The following PCDHGB4 variants were observed in gnomAD, a reference collection of about 807,000 sequenced individuals.
The protein encoded by PCDHGB4 is protocadherin gamma subfamily B, 4, also known as protocadherin gamma-B4.
In PCDHGB4, 38 loss-of-function variants were observed where a neutral mutation model predicts 60.5. The observed-to-expected ratio is 0.63, with a 90% CI of 0.48 to 0.82. The LOEUF is 0.82. Among genes scored for constraint, PCDHGB4 ranks in the 40% least tolerant of loss-of-function variants. The probability of loss-of-function intolerance (pLI) is 0.00; values close to 1 mark genes in which losing one functional copy is unlikely to be tolerated. For synonymous variants in PCDHGB4, 456 were observed against 509.7 expected (o/e 0.89, Z 1.42); for missense variants, 1,109 against 1,209.6 (o/e 0.92, Z 1.23).
chr5:141,494,586 G>A (rs770159202), intron 1 of PCDHGB4, among the ~76,000 whole-genome samples: 1 of 152,112 alleles, frequency 6.6e-6, no homozygotes, highest in Non-Finnish European at 1.5e-5. Context: ...GCTCACTGTG[G>A]TCAGATGAAA....
intron 1 of PCDHGB4, chr5:141,405,323 T>C (rs1420760439): frequency 6.2e-7 from 1 of 1,614,220 alleles, no homozygotes; most frequent in Non-Finnish European, 8.5e-7. Context: ...AAATGAGCCT[T>C]TGTGCGTCTC....
At chr5:141,400,189 C>G (rs376855933) in intron 1 of PCDHGB4, 2 of 1,614,056 alleles carry the variant, frequency 1.2e-6, no homozygotes, top group Non-Finnish European at 1.7e-6. Flanking sequence ...GCAGTTTTAC[C>G]TAGTGGTGGC....
In PCDHGB4 at chr5:141,489,734, A is replaced by G; in HGVS notation, c.2398-5073A>G. The G allele has an allele frequency of 6.2e-7, 1 of 1,614,164 alleles. No individual in the cohort carries two copies. Among genetic ancestry groups the G allele is most frequent in the Non-Finnish European group, 8.5e-7 (1 of 1,180,028 alleles). On this transcript the variant is annotated intron_variant, in intron 1 of 3. Transcript: ENST00000519479. This position sits in a 1 kb window ranked among gnomAD's most constrained non-coding sequence, Gnocchi z 4.5. ...GCCCAGGATCCGGATGTGGGCACCAATACTGTGAGCTTTTACACTCTAAGC... is the reference window on the plus strand; with the variant it reads ...GCCCAGGATCCGGATGTGGGCACCAGTACTGTGAGCTTTTACACTCTAAGC...
rs1236813956 is a variant in PCDHGB4, at chr5:141,480,634, TTTCAAAC to T, written c.2398-14170_2398-14164del. On this transcript the variant is annotated intron_variant, in intron 1 of 3. Transcript: ENST00000519479. The stretch of plus-strand genomic sequence containing the variant: ...ACTGGCATTTTCCCTAGAACAATGT[TTTCAAAC>T]TTGGTTGCACATTAAAATCACCTAG... Among the ~76,000 whole-genome samples the T allele has an allele frequency of 3.9e-5, 6 of 152,332 alleles. No individual in the cohort carries two copies. In the East Asian group the frequency reaches 1.2e-3, roughly 29 times the overall value.
rs143509166 is a variant in PCDHGB4 at position 141,395,182 on chromosome 5, C to T, written c.2397+4901C>T. On this transcript the variant is annotated intron_variant, in intron 1 of 3. Transcript: ENST00000519479. ...CAGGAGGGCTGTGAGAAAAATGATT[C>T]TTTGTTAACATCCGTAGATTTTCAT... 141 of 1,614,114 alleles carry T rather than the reference C, an allele frequency of 8.7e-5. 2 individuals are homozygous for T. The Middle Eastern group carries it at 1.8e-3, about 21-fold the overall frequency.
Position 141,487,858 on chromosome 5 carries a change from G to C in PCDHGB4, c.2398-6949G>C, listed in dbSNP as rs575288726. Reference sequence around the variant, plus strand: ...ATCTGAGTAAGAAATGAAAGTAATTGGTGATCAAGAGCCAGGCTGTTGTGG... The same window carrying C: ...ATCTGAGTAAGAAATGAAAGTAATTCGTGATCAAGAGCCAGGCTGTTGTGG... On this transcript the variant is annotated intron_variant, in intron 1 of 3. Transcript: ENST00000519479. The surrounding 1 kb of genome is among the most constrained non-coding windows in gnomAD (Gnocchi z 5.0). The C allele has an allele frequency of 3.8e-5, 36 of 953,250 alleles. No individual in the cohort carries two copies. The Middle Eastern group carries it at 1.3e-3, about 35-fold the overall frequency. 59.0% of individuals were successfully genotyped at this position (953,250 alleles called of 1,614,324 possible). A position where few individuals can be genotyped will look rare whatever the true frequency, so the allele number is the denominator to read the frequency against.
intron 1 of PCDHGB4, chr5:141,403,028 G>A (rs1396801327): frequency 6.2e-7 from 1 of 1,614,074 alleles, no homozygotes; most frequent in Admixed American, 1.7e-5. Context: ...GCTATGGGAG[G>A]CCAGGGCCAG....
At chr5:141,400,943 T>G (rs1253479872) in intron 1 of PCDHGB4, among the ~76,000 whole-genome samples, 1 of 152,260 alleles carries the variant, frequency 6.6e-6, no homozygotes, top group East Asian at 1.9e-4. Flanking sequence ...CTTTCTTCAC[T>G]GATTTCACTG....
intron 2 of PCDHGB4, among the ~76,000 whole-genome samples, chr5:141,495,430 C>A (rs1189953474): frequency 6.6e-6 from 1 of 152,220 alleles, no homozygotes; most frequent in Non-Finnish European, 1.5e-5. Context: ...TCCCACTGTC[C>A]TCTGCCCCTA....
intron 1 of PCDHGB4, among the ~76,000 whole-genome samples, chr5:141,405,668 G>A (rs1468042334): frequency 6.6e-6 from 1 of 152,100 alleles, no homozygotes; most frequent in Non-Finnish European, 1.5e-5. Context: ...AGTAGAGACG[G>A]GGTGTCACCA....
Position 141,491,543 on chromosome 5 carries a change from A to G in PCDHGB4, c.2398-3264A>G. 6.2e-7 allele frequency: 1 copy of G among 1,613,842 alleles called. No individual in the cohort carries two copies. The highest frequency in any genetic ancestry group is 8.5e-7 in the Non-Finnish European group (1 of 1,179,982). ...ATGGAGGTGACGCTGCGGCCCACAG[A>G]CTCGCAGAGCCACTGCTACAGGACG... On this transcript the variant is annotated intron_variant, in intron 1 of 3. Coordinates refer to ENST00000519479, the MANE Select transcript of PCDHGB4 (RefSeq NM_003736.4). The surrounding 1 kb of genome is among the most constrained non-coding windows in gnomAD (Gnocchi z 6.9).
At chr5:141,474,920 C>A (rs1363277892) in intron 1 of PCDHGB4, among the ~76,000 whole-genome samples, 2 of 152,232 alleles carry the variant, frequency 1.3e-5, no homozygotes, top group Admixed American at 6.5e-5. Context: ...TACATCTCAT[C>A]TCTGGCTTAT....
rs932721053 is a variant in PCDHGB4 at position 141,398,645 on chromosome 5, C to G, written c.2397+8364C>G. 1.3e-5 allele frequency: 21 copies of G among 1,613,938 alleles called. No homozygotes were observed. In the Admixed American group the frequency reaches 3.3e-4, roughly 26 times the overall value. The stretch of plus-strand genomic sequence containing the variant: ...AACTCTCTGCAGAAGTATAAACTCT[C>G]TCTTAACCCAAGTTTCTCATTAATA... On this transcript the variant is annotated intron_variant, in intron 1 of 3. Coordinates refer to ENST00000519479, the MANE Select transcript of PCDHGB4 (RefSeq NM_003736.4).
rs1453835891 is a variant in PCDHGB4 at position 141,477,494 on chromosome 5, T to G, written c.2398-17313T>G. On this transcript the variant is annotated intron_variant, in intron 1 of 3. Coordinates refer to ENST00000519479, the MANE Select transcript of PCDHGB4 (RefSeq NM_003736.4). The surrounding 1 kb of genome is among the most constrained non-coding windows in gnomAD (Gnocchi z 4.9). ...TGACAACCCTCCACAATCTTCTCAA[T>G]CTTCCTACGACGTTTACATTGAAGA... 1 of 1,614,088 alleles carries G rather than the reference T, an allele frequency of 6.2e-7. No individual in the cohort carries two copies.
At chr5:141,443,844 G>T (rs976057583) in intron 1 of PCDHGB4, among the ~76,000 whole-genome samples, 1 of 152,130 alleles carries the variant, frequency 6.6e-6, no homozygotes, top group African/African-American at 2.4e-5. Flanking sequence ...GGGTAATATG[G>T]AAAGTCTGAA....
chr5:141,390,105 T>C lies in PCDHGB4; in HGVS notation c.2221T>C (p.Tyr741His), dbSNP rs2092048923. 4 of 1,614,052 alleles carry C rather than the reference T, an allele frequency of 2.5e-6. No individual in the cohort carries two copies. The highest frequency in any genetic ancestry group is 1.3e-5 in the African/African-American group (1 of 75,064). ...VKSESVVPPN[Y>H]SEGTLPYSYN... ...ATCCGAATCCGTGGTTCCCCCCAAC[T>C]ACAGCGAGGGGACTTTGCCTTATTC... Residue 741 changes from tyrosine (Y) to histidine (H), a missense_variant, in exon 1 of 4, where the codon TAC becomes CAC. Tyr to His is a moderately conservative substitution (Grantham distance 83). Transcript: ENST00000519479.
chr5:141,405,141 A>T (rs749502643), intron 1 of PCDHGB4: 4 of 1,613,862 alleles, frequency 2.5e-6, no homozygotes, highest in African/African-American at 1.3e-5. Flanking sequence ...GCTACCAGTG[A>T]TGGGTTGGCT....
chr5:141,456,773 G>A (rs1178932462), intron 1 of PCDHGB4, among the ~76,000 whole-genome samples: 6 of 151,980 alleles, frequency 3.9e-5, no homozygotes, highest in African/African-American at 1.2e-4. Context: ...GACCAGCCTG[G>A]CCTACATGGC....
intron 1 of PCDHGB4, chr5:141,410,302 A>C: frequency 1.2e-6 from 2 of 1,613,356 alleles, no homozygotes; most frequent in Non-Finnish European, 1.7e-6. Flanking sequence ...CCTTAATCTC[A>C]GTGCTCTTCC....
Sources: allele counts gnomAD v4.1 joint callset (sites outside exome capture counted in the v4.1 genomes callset), GRCh38; gene constraint gnomAD v4.1.1; non-coding constraint Gnocchi (gnomAD v3.1); transcripts MANE v1.5; gene names NCBI Gene and HGNC (gene_info 2026-07-23, HGNC 2026-07-21).